Variants in SATB2 observed in about 807,000 individuals in gnomAD.
SATB2 encodes SATB homeobox 2.
A neutral mutation model predicts 73.4 loss-of-function variants in SATB2; 1 was observed. That is an observed-to-expected ratio of 0.01 (90% CI 0.00 to 0.06). The LOEUF (loss-of-function observed/expected upper bound fraction) is 0.06. Among genes scored for constraint, SATB2 ranks in the 10% least tolerant of loss-of-function variants. The pLI is 1.00. For missense variants in SATB2, 459 were observed against 945.8 expected, an observed-to-expected ratio of 0.49 and a Z score of 6.75; for synonymous variants, 397 against 367.0, an observed-to-expected ratio of 1.08 and a Z score of -0.93.
At chr2:199,342,533 C>A (rs993509815) in intron 7 of SATB2, among the ~76,000 whole-genome samples, 1 of 152,126 alleles carries the variant, frequency 6.6e-6, no homozygotes, top group Non-Finnish European at 1.5e-5. Flanking sequence ...CAGCCACACC[C>A]TGTGTCTAGA....
At chr2:199,456,588 G>A (rs893333728) in intron 1 of SATB2, among the ~76,000 whole-genome samples, 3 of 152,220 alleles carry the variant, frequency 2.0e-5, no homozygotes, top group Admixed American at 6.5e-5. Flanking sequence ...CAAAGGCCGG[G>A]CGAAAGAACC....
At chr2:199,378,051 G>A (rs1165841137) in intron 5 of SATB2, among the ~76,000 whole-genome samples, 1 of 152,172 alleles carries the variant, frequency 6.6e-6, no homozygotes, top group Non-Finnish European at 1.5e-5. Flanking sequence ...GCTTATAGAA[G>A]AGTTTAACGA....
intron 9 of SATB2, among the ~76,000 whole-genome samples, chr2:199,313,407 G>T (rs886449535): frequency 1.3e-5 from 2 of 152,156 alleles, no homozygotes; most frequent in Admixed American, 6.5e-5. Flanking sequence ...CTATTAATAA[G>T]TTCAAAGACT....
chr2:199,416,399 T>C (rs1444260241), intron 3 of SATB2, among the ~76,000 whole-genome samples: 1 of 152,226 alleles, frequency 6.6e-6, no homozygotes, highest in Non-Finnish European at 1.5e-5. Flanking sequence ...TATTATTGGC[T>C]TTCAGTTGGT....
At chr2:199,440,162 T>C (rs1337089898) in intron 2 of SATB2, among the ~76,000 whole-genome samples, 8 of 151,880 alleles carry the variant, frequency 5.3e-5, no homozygotes, top group East Asian at 3.9e-4. Flanking sequence ...CAACCATAAA[T>C]AGAAAGAAAG....
intron 5 of SATB2, among the ~76,000 whole-genome samples, chr2:199,369,392 T>A (rs1274613407): frequency 6.6e-6 from 1 of 152,088 alleles, no homozygotes; most frequent in African/African-American, 2.4e-5. Flanking sequence ...ATCATTGGGG[T>A]TAAAAGAGAA....
At chr2:199,425,526 AAAGT>A (rs1415156546) in intron 3 of SATB2, among the ~76,000 whole-genome samples, 2 of 152,318 alleles carry the variant, frequency 1.3e-5, no homozygotes, top group Admixed American at 6.5e-5. Context: ...GGTCAGAGGT[AAAGT>A]GAGATCGCAC....
intron 7 of SATB2, among the ~76,000 whole-genome samples, chr2:199,343,579 A>T (rs1424468877): frequency 2.0e-5 from 3 of 152,180 alleles, no homozygotes; most frequent in Admixed American, 6.5e-5. Flanking sequence ...AGCAAAAAAC[A>T]ATCTGCCTGC....
At position 199,271,493 on chromosome 2, in the gene SATB2, C is replaced by T. The variant is rs1191002629; in HGVS notation, c.*718G>A. On this transcript the variant is annotated 3_prime_UTR_variant, in exon 11 of 11. Coordinates refer to ENST00000417098, the MANE Select transcript of SATB2 (RefSeq NM_001172509.2). ...TCACTTTTTTTTTTTTCGGCAGTGT[C>T]GTTTATTTTGTTAAATACATACCTC... is the stretch of plus-strand genomic sequence containing the variant. 3 of 145,590 alleles carry T rather than the reference C, an allele frequency of 2.1e-5. No homozygotes were observed. The highest frequency in any genetic ancestry group is 7.6e-5 in the African/African-American group (3 of 39,288). 9.0% of individuals were successfully genotyped at this position (145,590 alleles called of 1,614,324 possible).
intron 10 of SATB2, among the ~76,000 whole-genome samples, chr2:199,275,644 A>C (rs886386641): frequency 1.3e-5 from 2 of 152,176 alleles, no homozygotes; most frequent in Admixed American, 1.3e-4. Context: ...CAGACTAGGA[A>C]GATGTTTCTC....
At chr2:199,275,412 T>C (rs1005866157) in intron 10 of SATB2, among the ~76,000 whole-genome samples, 3 of 152,188 alleles carry the variant, frequency 2.0e-5, no homozygotes, top group Non-Finnish European at 4.4e-5. Context: ...GTTTATTCTG[T>C]GCCAGGCAGT....
At chr2:199,284,587 C>G (rs1158136624) in intron 10 of SATB2, among the ~76,000 whole-genome samples, 1 of 152,072 alleles carries the variant, frequency 6.6e-6, no homozygotes, top group African/African-American at 2.4e-5. Context: ...TTATGAAAAT[C>G]CAGTTGTCTT....
intron 9 of SATB2, among the ~76,000 whole-genome samples, chr2:199,322,185 AG>A (rs1687909878): frequency 6.6e-6 from 1 of 152,228 alleles, no homozygotes; most frequent in African/African-American, 2.4e-5. Context: ...TTTTCTTGAA[AG>A]CTGCTTATAA....
intron 2 of SATB2, among the ~76,000 whole-genome samples, chr2:199,449,713 G>A (rs2105949062): frequency 6.6e-6 from 1 of 152,216 alleles, no homozygotes; most frequent in African/African-American, 2.4e-5. Context: ...GTAGTAGGAT[G>A]ATGAATCTTT....
intron 10 of SATB2, among the ~76,000 whole-genome samples, chr2:199,280,784 A>T (rs550146453): frequency 1.3e-5 from 2 of 152,208 alleles, no homozygotes; most frequent in East Asian, 3.9e-4. Context: ...CGTGCCCAAA[A>T]CTTCATTAGC....
intron 10 of SATB2, among the ~76,000 whole-genome samples, chr2:199,282,406 T>C (rs1179636087): frequency 2.0e-5 from 3 of 152,264 alleles, no homozygotes; most frequent in East Asian, 3.9e-4. Context: ...TAAGATGGCA[T>C]TGTATACACG....
At chr2:199,359,506 T>C (rs1323562040) in intron 6 of SATB2, among the ~76,000 whole-genome samples, 1 of 152,170 alleles carries the variant, frequency 6.6e-6, no homozygotes, top group African/African-American at 2.4e-5. Context: ...TTCTTTTTTT[T>C]CTCTCAATTG....
In SATB2 at chr2:199,413,446, C is replaced by G. The variant is rs1366829009; in HGVS notation, c.346+19892G>C. On this transcript the variant is annotated intron_variant, in intron 3 of 10. Transcript: ENST00000417098. ...TTTTCTCTGAATCTAATCAGGACTC[C>G]TTGCTGGCACTGTTAGCTTTCTGCC... 2.0e-5 allele frequency among the ~76,000 whole-genome samples: 3 copies of G among 152,148 alleles called. No individual in the cohort carries two copies. In the East Asian group the frequency reaches 5.8e-4, roughly 29 times the overall value.
At chr2:199,462,334 G>A (rs995012636), upstream of SATB2, among the ~76,000 whole-genome samples, 1 of 152,162 alleles carries the variant, frequency 6.6e-6, no homozygotes, top group African/African-American at 2.4e-5. The surrounding 1 kb of genome is among the most constrained non-coding windows in gnomAD (Gnocchi z 5.9). Flanking sequence ...TTTCCGCCGC[G>A]GACTGTCCGT....
Sources: allele counts gnomAD v4.1 joint callset (sites outside exome capture counted in the v4.1 genomes callset), GRCh38; gene constraint gnomAD v4.1.1; non-coding constraint Gnocchi (gnomAD v3.1); transcripts MANE v1.5; gene names NCBI Gene and HGNC (gene_info 2026-07-23, HGNC 2026-07-21).